Variants in SPI1 observed in about 807,000 individuals in gnomAD.
SPI1 encodes Spi-1 proto-oncogene.
In SPI1, 3 loss-of-function variants were observed where a neutral mutation model predicts 30.7. The ratio of observed to expected loss-of-function variants is 0.10; its 90% CI spans 0.04 to 0.25. The LOEUF (loss-of-function observed/expected upper bound fraction) is 0.25, where lower values mean the gene tolerates loss of function less well. Ranked by LOEUF, SPI1 falls within the 10% of genes least tolerant of loss-of-function variation. SPI1 has a pLI of 1.00. For synonymous variants in SPI1, 169 were observed against 157.1 expected (o/e 1.08, Z -0.56); for missense variants, 261 against 371.5 (o/e 0.70, Z 2.45).
intron 2 of SPI1, among the ~76,000 whole-genome samples, chr11:47,368,489 C>T (rs1167286706): frequency 6.6e-6 from 1 of 152,206 alleles, no homozygotes; most frequent in Admixed American, 6.5e-5. Flanking sequence ...AATAGCCAAA[C>T]GGCAGAAACA....
intron 2 of SPI1, among the ~76,000 whole-genome samples, chr11:47,373,645 TAAA>T (rs543466708): frequency 2.5e-5 from 3 of 121,572 alleles, no homozygotes; most frequent in Admixed American, 8.5e-5. Flanking sequence ...AAGACTGTCC[TAAA>T]AAAAAAAAAA....
intron 2 of SPI1, among the ~76,000 whole-genome samples, chr11:47,371,172 A>G (rs1253715815): frequency 6.6e-6 from 1 of 151,318 alleles, no homozygotes; most frequent in East Asian, 2.0e-4. Flanking sequence ...CATCCTGGCT[A>G]ACACGGTGAA....
chr11:47,358,693 C>T (rs2095915932), intron 4 of SPI1, 151 bp downstream of exon 4: 3 of 802,874 alleles, frequency 3.7e-6, no homozygotes, highest in South Asian at 2.9e-5. Context: ...CAGCCACAGA[C>T]AGCCCCACAA....
At chr11:47,364,783 C>T (rs1414370054) in intron 2 of SPI1, among the ~76,000 whole-genome samples, 1 of 152,170 alleles carries the variant, frequency 6.6e-6, no homozygotes, top group Non-Finnish European at 1.5e-5. Context: ...CCACCATCAT[C>T]CATCACTTGG....
Position 47,355,417 on chromosome 11 carries a change from G to T in SPI1, c.623C>A (p.Ala208Glu). ...CTGGATGCCCCAGCGGTGCGCCAGC[G>T]CCTCCTTGTGCTTGGACGAGAACTG... ...TFQFSSKHKE[A>E]LAHRWGIQKG... The change falls in exon 5 of 5, where the codon GCG becomes GAG. Residue 208 changes from alanine to glutamate, a missense_variant. Transcript: ENST00000378538. The T allele has an allele frequency of 6.2e-7, 1 of 1,613,824 alleles. No individual in the cohort carries two copies. Among genetic ancestry groups the T allele is most frequent in the Non-Finnish European group, 8.5e-7 (1 of 1,179,786 alleles).
At position 47,359,906 on chromosome 11, in the gene SPI1, T is replaced by C; in HGVS notation, c.277A>G (p.Met93Val). The change falls in exon 3 of 5, where the codon ATG becomes GTG. Residue 93 changes from methionine to valine, a missense_variant. Around this residue, in one of 5 missense-constraint regions of SPI1, gnomAD observed 106 missense variants for 102.0 expected, o/e 1.04. Transcript: ENST00000378538. This position sits in a 1 kb window ranked among gnomAD's most constrained non-coding sequence, Gnocchi z 5.1. Reference protein sequence around the residue: ...QLYRHMELEQMHVLDTPMVPP... With the variant: ...QLYRHMELEQVHVLDTPMVPP... Reference sequence around the variant, plus strand: ...ACCATGGGGGTATCGAGGACGTGCATCTGCTCCAGCTCCATGTGGCGGTAG... The same window carrying C: ...ACCATGGGGGTATCGAGGACGTGCACCTGCTCCAGCTCCATGTGGCGGTAG... 2 of 1,610,588 alleles carry C rather than the reference T, an allele frequency of 1.2e-6. No homozygotes were observed. Among genetic ancestry groups the C allele is most frequent in the Non-Finnish European group, 1.7e-6 (2 of 1,179,834 alleles).
Position 47,375,791 on chromosome 11 carries a change from C to T in SPI1, c.46-62G>A. 7.5e-7 allele frequency: 1 copy of T among 1,327,082 alleles called. No individual in the cohort carries two copies. The allele number at this position is 1,327,082 out of a possible 1,614,324, so 82.2% of individuals were successfully genotyped here. A position where few individuals can be genotyped will look rare whatever the true frequency, so the allele number is the denominator to read the frequency against. ...TGGGAGACCCCAGCCAGGCCTGCAG[C>T]ACCCCCGCACGCTGGGTCCCCATCA... On this transcript the variant is annotated intron_variant, in intron 1 of 4. Coordinates refer to ENST00000378538, the MANE Select transcript of SPI1 (RefSeq NM_003120.3). This position sits in a 1 kb window ranked among gnomAD's most constrained non-coding sequence, Gnocchi z 4.2.
At position 47,360,135 on chromosome 11, in the gene SPI1, G is replaced by A; in HGVS notation, c.143-95C>T. 4 of 1,118,356 alleles carry A rather than the reference G, an allele frequency of 3.6e-6. No homozygotes were observed. The South Asian group carries it at 5.1e-5, about 14-fold the overall frequency. 69.3% of individuals were successfully genotyped at this position (1,118,356 alleles called of 1,614,324 possible). On this transcript the variant is annotated intron_variant, in intron 2 of 4. Transcript: ENST00000378538. ...ATTAAATAATACTGCCAGGCCATAT[G>A]GGGCCTAACCATCTCGTTTAACCCT...
chr11:47,364,356 T>A (rs1318008642), intron 2 of SPI1, among the ~76,000 whole-genome samples: 1 of 152,150 alleles, frequency 6.6e-6, no homozygotes, highest in Non-Finnish European at 1.5e-5. Context: ...CATTTTCATC[T>A]TGCAGTGAGC....
intron 4 of SPI1, among the ~76,000 whole-genome samples, chr11:47,356,331 T>A (rs1478978783): frequency 9.0e-5 from 8 of 89,304 alleles, no homozygotes; most frequent in East Asian, 3.4e-4. Context: ...GCTTACACAT[T>A]CACAACCCAC....
At chr11:47,356,802 G>A (rs898207513) in intron 4 of SPI1, among the ~76,000 whole-genome samples, 5 of 140,222 alleles carry the variant, frequency 3.6e-5, no homozygotes, top group East Asian at 2.2e-4. Context: ...ACACTTGCAC[G>A]CACACACCTG....
rs1441525992 is a variant in SPI1 at position 47,374,511 on chromosome 11, C to T, written c.142+1122G>A. 2.0e-5 allele frequency among the ~76,000 whole-genome samples: 3 copies of T among 152,154 alleles called. No individual in the cohort carries two copies. Among genetic ancestry groups the T allele is most frequent in the African/African-American group, 4.8e-5 (2 of 41,432 alleles). On this transcript the variant is annotated intron_variant, in intron 2 of 4. Transcript: ENST00000378538. This position sits in a 1 kb window ranked among gnomAD's most constrained non-coding sequence, Gnocchi z 4.5. ...CATCAGGTTTAGACCGCCACAGGTG[C>T]ATCTGCAGAATGGAGCTACAGGCAT... is the stretch of plus-strand genomic sequence containing the variant.
chr11:47,356,815 T>C (rs1025293973), intron 4 of SPI1, among the ~76,000 whole-genome samples: 17 of 144,398 alleles, frequency 1.2e-4, no homozygotes, highest in Admixed American at 6.9e-5. Context: ...CACACCTGCT[T>C]ACACACATCT....
rs749900902 is a variant in SPI1 at position 47,359,988 on chromosome 11, G to A, written c.195C>T (p.Phe65=). 16 of 1,605,448 alleles carry A rather than the reference G, an allele frequency of 1.0e-5. No individual in the cohort carries two copies. The highest frequency in any genetic ancestry group is 1.7e-4 in the Middle Eastern group (1 of 6,036). The change falls in exon 3 of 5, where the codon TTC becomes TTT. Residue 65 remains phenylalanine (F), a synonymous_variant. Coordinates refer to ENST00000378538, the MANE Select transcript of SPI1 (RefSeq NM_003120.3). This position sits in a 1 kb window ranked among gnomAD's most constrained non-coding sequence, Gnocchi z 5.1. The part of the protein sequence containing the change: ...PHHVHSEFES[F]AENNFTELQS... ...GGAGCTCCGTGAAGTTGTTCTCGGCGAAGCTCTCGAACTCGCTGTGCACGT... is the reference window on the plus strand; with the variant it reads ...GGAGCTCCGTGAAGTTGTTCTCGGCAAAGCTCTCGAACTCGCTGTGCACGT...
rs777117669 is a variant in SPI1, at chr11:47,358,924, C to T, written c.413G>A (p.Arg138Gln). ...QPSSDEEEGE[R>Q]QSPPLEVSDG... ...AGACACCTCCAGTGGGGGGCTCTGC[C>T]GCTCGCCCTCCTCCTCATCTGAGCT... Residue 138 changes from arginine (R) to glutamine (Q), a missense_variant, in exon 4 of 5, where the codon CGG becomes CAG. Arg to Gln is a conservative substitution (Grantham distance 43, BLOSUM62 1). Around this residue, in one of 5 missense-constraint regions of SPI1, gnomAD observed 106 missense variants for 102.0 expected, o/e 1.04. Coordinates refer to ENST00000378538, the MANE Select transcript of SPI1 (RefSeq NM_003120.3). 31 of 1,563,086 alleles carry T rather than the reference C, an allele frequency of 2.0e-5. No individual in the cohort carries two copies. Among genetic ancestry groups the T allele is most frequent in the East Asian group, 1.1e-4 (5 of 43,914 alleles).
At chr11:47,373,847 G>A (rs539693561) in intron 2 of SPI1, among the ~76,000 whole-genome samples, 6 of 152,256 alleles carry the variant, frequency 3.9e-5, no homozygotes, top group African/African-American at 1.4e-4. Context: ...GAACCTGCTT[G>A]GACCCTGAGC....
At chr11:47,356,251 A>C (rs1020745982) in intron 4 of SPI1, among the ~76,000 whole-genome samples, 8 of 147,812 alleles carry the variant, frequency 5.4e-5, no homozygotes, top group African/African-American at 7.6e-5. Context: ...GCCCCCACAC[A>C]CTGGCACCCA....
intron 1 of SPI1, 105 bp downstream of exon 1, chr11:47,378,203 CT>C (rs1180018636): frequency 8.0e-7 from 1 of 1,249,306 alleles, no homozygotes; most frequent in Admixed American, 1.9e-5. Flanking sequence ...TGACTTCCCA[CT>C]GATAGCAAGC....
intron 2 of SPI1, among the ~76,000 whole-genome samples, chr11:47,368,895 G>T (rs755483918): frequency 1.4e-4 from 21 of 152,198 alleles, no homozygotes; most frequent in African/African-American, 5.1e-4. Flanking sequence ...AAAATGTAAA[G>T]AAATGGTTAA....
Sources: gnomAD v4.1 joint callset for allele counts (sites outside exome capture counted in the v4.1 genomes callset) on GRCh38, gnomAD v4.1.1 for gene constraint, gnomAD v4.1.1 regional missense constraint, Gnocchi (gnomAD v3.1) non-coding constraint, MANE v1.5 for transcripts, NCBI Gene and HGNC (gene_info 2026-07-23, HGNC 2026-07-21) for gene names.